The following RIPOR3 variants were observed in gnomAD, a reference collection of about 807,000 sequenced individuals.
The protein encoded by RIPOR3 is RIPOR family member 3.
RIPOR3 carries 95 observed loss-of-function variants against 114.3 expected under a neutral mutation model. That is an observed-to-expected ratio of 0.83 (90% CI 0.70 to 0.99). RIPOR3 has a LOEUF of 0.99. RIPOR3 is among the 50% of genes least tolerant of loss of function. The pLI, the probability that RIPOR3 is intolerant of heterozygous loss-of-function variation, is 0.00. For missense variants in RIPOR3, 1,252 were observed against 1,266.9 expected, an observed-to-expected ratio of 0.99 and a Z score of 0.18; for synonymous variants, 575 against 543.8, an observed-to-expected ratio of 1.06 and a Z score of -0.80.
chr20:50,599,900 A>G (rs1264435999), intron 13 of RIPOR3, among the ~76,000 whole-genome samples: 1 of 146,506 alleles, frequency 6.8e-6, no homozygotes, highest in Non-Finnish European at 1.5e-5. Flanking sequence ...GCTCACACAC[A>G]CACTTTTTTT....
intron 1 of RIPOR3, among the ~76,000 whole-genome samples, chr20:50,668,627 C>T (rs1251659552): frequency 2.0e-5 from 3 of 152,100 alleles, no homozygotes; most frequent in South Asian, 2.1e-4. Context: ...GAGGTCAAGG[C>T]GGGCGGATCA....
Position 50,608,531 on chromosome 20 carries a change from T to C in RIPOR3, c.814A>G (p.Thr272Ala). 3.7e-6 allele frequency: 6 copies of C among 1,613,714 alleles called. No homozygotes were observed. The highest frequency in any genetic ancestry group is 4.2e-6 in the Non-Finnish European group (5 of 1,179,864). The change falls in exon 11 of 22, where the codon ACG becomes GCG. Residue 272 changes from threonine to alanine, a missense_variant. Transcript: ENST00000327979. Reference protein sequence around the residue: ...TLHENLDIKVTELRGLGSLAV... With the variant: ...TLHENLDIKVAELRGLGSLAV... ...AGCGAGCCCAGGCCCCGCAACTCCG[T>C]CACCTGGGGGTGGGGGCTGGAGGGT...
rs538406869 is a variant in RIPOR3, at chr20:50,592,339, C to T, written c.2577+5G>A. 39 of 1,564,430 alleles carry T rather than the reference C, an allele frequency of 2.5e-5. No homozygotes were observed. The highest frequency in any genetic ancestry group is 1.2e-4 in the African/African-American group (9 of 73,402). On this transcript the variant is annotated splice_donor_5th_base_variant and intron_variant, in intron 19 of 21. Transcript: ENST00000327979. ...AGGGTCTGCCACCTGCCCTGGACAA[C>T]GTACCTTTTCCCGGAAGCTTCTGTT...
At position 50,691,531 on chromosome 20, in the gene RIPOR3, A is replaced by C; in HGVS notation, c.-403T>G. On this transcript the variant is annotated 5_prime_UTR_variant, in exon 1 of 22. Coordinates refer to ENST00000327979, the MANE Select transcript of RIPOR3 (RefSeq NM_001290268.2). ...ACGCGGCCGATTGCTTGTCAGTGTC[A>C]CTCCCAGCTCTGCCGGGGGGAATTC... The C allele has an allele frequency of 5.6e-6, 1 of 177,072 alleles. No individual in the cohort carries two copies. 11.0% of individuals were successfully genotyped at this position (177,072 alleles called of 1,614,324 possible).
At chr20:50,612,114 G>A (rs2083998428) in intron 4 of RIPOR3, among the ~76,000 whole-genome samples, 1 of 141,094 alleles carries the variant, frequency 7.1e-6, no homozygotes, top group Admixed American at 7.3e-5. Flanking sequence ...GACAGAGCGA[G>A]ACTCCATCTC....
Position 50,596,279 on chromosome 20 carries a change from A to C in RIPOR3, c.1791-16T>G, listed in dbSNP as rs1304475877. On this transcript the variant is annotated splice_polypyrimidine_tract_variant and intron_variant, in intron 14 of 21. Coordinates refer to ENST00000327979, the MANE Select transcript of RIPOR3 (RefSeq NM_001290268.2). ...CCGGTCCTTTCTGAGTTGAATTGAG[A>C]ACTGGGTGACCATTCCAGTTAGCAG... 1.2e-6 allele frequency: 2 copies of C among 1,613,776 alleles called. No homozygotes were observed. Among genetic ancestry groups the C allele is most frequent in the Non-Finnish European group, 1.7e-6 (2 of 1,179,972 alleles).
chr20:50,661,354 C>T (rs1285838930), intron 1 of RIPOR3, among the ~76,000 whole-genome samples: 2 of 152,028 alleles, frequency 1.3e-5, no homozygotes, highest in African/African-American at 4.8e-5. Flanking sequence ...GGATTACAGG[C>T]ATGAGCCACC....
intron 14 of RIPOR3, among the ~76,000 whole-genome samples, chr20:50,596,774 CGAG>C (rs1367949662): frequency 1.3e-5 from 2 of 152,156 alleles, no homozygotes; most frequent in Middle Eastern, 3.2e-3. Flanking sequence ...TTGTGAGAGG[CGAG>C]GAGAAGGAAT....
Position 50,686,012 on chromosome 20 carries a change from T to C in RIPOR3, c.3+5114A>G, listed in dbSNP as rs185464676. Among the ~76,000 whole-genome samples the C allele has an allele frequency of 4.0e-5, 6 of 151,838 alleles. No individual in the cohort carries two copies. The East Asian group carries it at 9.7e-4, about 25-fold the overall frequency. Reference sequence around the variant, plus strand: ...TAAAATTACGTGACAAAGAAAAAAATAGGAATGAAGTGAATGAATGGCCTG... The same window carrying C: ...TAAAATTACGTGACAAAGAAAAAAACAGGAATGAAGTGAATGAATGGCCTG... On this transcript the variant is annotated intron_variant, in intron 1 of 21. Coordinates refer to ENST00000327979, the MANE Select transcript of RIPOR3 (RefSeq NM_001290268.2).
At chr20:50,661,393 C>G (rs1052739811) in intron 1 of RIPOR3, among the ~76,000 whole-genome samples, 1 of 152,060 alleles carries the variant, frequency 6.6e-6, no homozygotes, top group Non-Finnish European at 1.5e-5. Context: ...TTTTAATAAC[C>G]AAAAGAAAAT....
At chr20:50,671,408 GCGCGCGTGCA>G (rs1184712013) in intron 1 of RIPOR3, among the ~76,000 whole-genome samples, 7 of 125,186 alleles carry the variant, frequency 5.6e-5, no homozygotes, top group African/African-American at 1.8e-4. Flanking sequence ...ACATGAGCAC[GCGCGCGTGCA>G]CGCGCGCGCG....
chr20:50,634,402 A>T lies in RIPOR3; in HGVS notation c.4-3546T>A, dbSNP rs566058423. Among the ~76,000 whole-genome samples, 10 of 152,068 alleles carry T rather than the reference A, an allele frequency of 6.6e-5. No homozygotes were observed. In the East Asian group the frequency reaches 1.9e-3, roughly 29 times the overall value. On this transcript the variant is annotated intron_variant, in intron 1 of 21. Transcript: ENST00000327979. ...CAGCCCAGATGTCCCCTCCCCCAGG[A>T]AGCCTTCCTGGACACCTCCCCACTC...
At chr20:50,666,183 A>ATTTCTTTTTTCTTTTCTTTTTTTTCT (rs534286175) in intron 1 of RIPOR3, among the ~76,000 whole-genome samples, 1 of 43,734 alleles carries the variant, frequency 2.3e-5, no homozygotes, top group Non-Finnish European at 6.1e-5. Context: ...AAGGACACCC[A>ATTTCTTTTTTCTTTTCTTTTTTTTCT]TTTCTTTTCT....
Position 50,602,836 on chromosome 20 carries a change from C to T in RIPOR3, c.1087-192G>A, listed in dbSNP as rs940273850. On this transcript the variant is annotated intron_variant, in intron 12 of 21. Transcript: ENST00000327979. The surrounding 1 kb of genome is among the most constrained non-coding windows in gnomAD (Gnocchi z 4.3). ...CCCTCTCTGCACTTATCCCCCATCCCGCCTCCAACTCACTCCCCCCAACCT... is the reference window on the plus strand; with the variant it reads ...CCCTCTCTGCACTTATCCCCCATCCTGCCTCCAACTCACTCCCCCCAACCT... 2.6e-5 allele frequency among the ~76,000 whole-genome samples: 4 copies of T among 152,190 alleles called. No homozygotes were observed. Among genetic ancestry groups the T allele is most frequent in the South Asian group, 2.1e-4 (1 of 4,834 alleles).
chr20:50,666,415 G>A (rs1226757950), intron 1 of RIPOR3, among the ~76,000 whole-genome samples: 1 of 150,872 alleles, frequency 6.6e-6, no homozygotes, highest in Non-Finnish European at 1.5e-5. Context: ...AGTAGAGATG[G>A]GGTTTCGCCT....
At position 50,608,383 on chromosome 20, in the gene RIPOR3, A is replaced by T; in HGVS notation, c.956+6T>A. 6.2e-7 allele frequency: 1 copy of T among 1,613,696 alleles called. No homozygotes were observed. ...CTCCGCTCTCCCCAGGCTGGACGGG[A>T]CTCACTTCCACTGCACCTCCAGCTG... On this transcript the variant is annotated splice_donor_region_variant and intron_variant, in intron 11 of 21. Coordinates refer to ENST00000327979, the MANE Select transcript of RIPOR3 (RefSeq NM_001290268.2).
Position 50,602,454 on chromosome 20 carries a change from GTGGACGCCGACGTGC to G in RIPOR3, c.1262_1276del (p.Ser421_Ser425del). ...CAAGGGCAGGAAGCCCACATCTGAG[GTGGACGCCGACGTGC>G]TGGTCTCCGTGTCTCGGGGGTCCTC... is the stretch of plus-strand genomic sequence containing the variant. On this transcript the variant is annotated inframe_deletion, in exon 13 of 22. Coordinates refer to ENST00000327979, the MANE Select transcript of RIPOR3 (RefSeq NM_001290268.2). This position sits in a 1 kb window ranked among gnomAD's most constrained non-coding sequence, Gnocchi z 4.3. 1 of 1,577,710 alleles carries G rather than the reference GTGGACGCCGACGTGC, an allele frequency of 6.3e-7. No homozygotes were observed. The highest frequency in any genetic ancestry group is 1.8e-5 in the Admixed American group (1 of 55,924).
chr20:50,630,953 A>C, intron 1 of RIPOR3, 97 bp from the exon 2 acceptor site: 47 of 899,834 alleles, frequency 5.2e-5, no homozygotes, highest in Non-Finnish European at 6.1e-5. Flanking sequence ...AGACCTCACA[A>C]TGGCCCCAGA....
At chr20:50,649,812 G>A (rs980921970) in intron 1 of RIPOR3, among the ~76,000 whole-genome samples, 2 of 152,188 alleles carry the variant, frequency 1.3e-5, no homozygotes, top group African/African-American at 2.4e-5. Context: ...TTCCAAGGAC[G>A]GTAATGAGGT....
Sources: allele counts gnomAD v4.1 joint callset (sites outside exome capture counted in the v4.1 genomes callset), GRCh38; gene constraint gnomAD v4.1.1; non-coding constraint Gnocchi (gnomAD v3.1); transcripts MANE v1.5; gene names NCBI Gene and HGNC (gene_info 2026-07-23, HGNC 2026-07-21).